Variants in NECAB2 observed in about 807,000 individuals in gnomAD.
The protein encoded by NECAB2 is N-terminal EF-hand calcium binding protein 2.
NECAB2 carries 68 observed loss-of-function variants against 51.9 expected under a neutral mutation model. The observed-to-expected ratio is 1.31, with a 90% CI of 1.08 to 1.60. The LOEUF (loss-of-function observed/expected upper bound fraction) is 1.60, where lower values mean the gene tolerates loss of function less well. Ranked by LOEUF, NECAB2 falls within the 40% of genes most tolerant of loss-of-function variation. The pLI is 0.00. For synonymous variants in NECAB2, 329 were observed against 203.5 expected (o/e 1.62, Z -5.25); for missense variants, 854 against 490.3 (o/e 1.74, Z -7.00).
chr16:83,995,171 T>C (rs956760038), intron 8 of NECAB2, among the ~76,000 whole-genome samples: 17 of 152,142 alleles, frequency 1.1e-4, no homozygotes, highest in African/African-American at 3.9e-4. Flanking sequence ...TGATAGAAAA[T>C]GGCACAGCCC....
intron 2 of NECAB2, among the ~76,000 whole-genome samples, chr16:83,972,978 G>T (rs1386441117): frequency 6.6e-6 from 1 of 152,226 alleles, no homozygotes; most frequent in Non-Finnish European, 1.5e-5. Context: ...CCCTCTCTGG[G>T]CCTTGGTTTT....
chr16:83,972,265 C>G (rs542342805), intron 2 of NECAB2, 90 bp downstream of exon 2: 20 of 1,584,168 alleles, frequency 1.3e-5, no homozygotes, highest in Non-Finnish European at 1.6e-5. Context: ...ACAAGCGCAA[C>G]CTTGAACCTA....
intron 5 of NECAB2, among the ~76,000 whole-genome samples, chr16:83,981,800 C>T (rs528239251): frequency 6.6e-6 from 1 of 152,130 alleles, no homozygotes; most frequent in African/African-American, 2.4e-5. Context: ...ATAGGGCACA[C>T]TGGTCCAGGC....
At chr16:83,987,860 G>A (rs1398069625) in intron 5 of NECAB2, among the ~76,000 whole-genome samples, 1 of 152,190 alleles carries the variant, frequency 6.6e-6, no homozygotes. Flanking sequence ...TTGACATAGA[G>A]CAAAATGGCT....
chr16:83,996,739 C>T (rs1020459718), intron 8 of NECAB2, among the ~76,000 whole-genome samples: 9 of 152,280 alleles, frequency 5.9e-5, no homozygotes, highest in East Asian at 1.9e-4. Context: ...CGTGGGCGAA[C>T]AGAGCAGATG....
upstream of NECAB2, chr16:83,966,372 G>A (rs911995796): frequency 2.9e-5 from 8 of 273,710 alleles, no homozygotes; most frequent in Non-Finnish European, 4.8e-5. Context: ...AGGGAGCTGC[G>A]TTCCCGGAAC....
rs1209678523 is a variant in NECAB2 at position 83,968,671 on chromosome 16, T to G, written c.23T>G (p.Leu8Arg). The G allele has an allele frequency of 1.0e-6, 1 of 983,058 alleles. No homozygotes were observed. The highest frequency in any genetic ancestry group is 1.8e-5 in the African/African-American group (1 of 55,666). The allele number at this position is 983,058 out of a possible 1,614,324, so 60.9% of individuals were successfully genotyped here. A position where few individuals can be genotyped will look rare whatever the true frequency, so the allele number is the denominator to read the frequency against. MCERAAR[L>R]CRAGAHRLLR... ...GCGATGTGCGAGCGGGCGGCGCGCC[T>G]GTGCAGGGCCGGCGCGCACAGGCTG... The change falls in exon 1 of 13, where the codon CTG becomes CGG. Residue 8 changes from leucine (L) to arginine (R), a missense_variant. Physicochemically the swap from Leu to Arg is moderately radical, Grantham distance 102 (BLOSUM62 -2). Transcript: ENST00000305202.
chr16:84,000,872 G>C, intron 11 of NECAB2, 71 bp downstream of exon 11: 3 of 1,500,798 alleles, frequency 2.0e-6, no homozygotes, highest in Non-Finnish European at 2.8e-6. Flanking sequence ...CCTGGAGCCA[G>C]GCATCCTTGG....
In NECAB2 at chr16:83,998,200, G is replaced by T. The variant is rs531745622; in HGVS notation, c.850-5G>T. On this transcript the variant is annotated splice_region_variant and splice_polypyrimidine_tract_variant and intron_variant, in intron 9 of 12. Transcript: ENST00000305202. The stretch of plus-strand genomic sequence containing the variant: ...CCCCACACTGACTCCTGCTGTGCCC[G>T]GCAGCACCTGCAGCTGGTCCGGCAG... 2.5e-6 allele frequency: 4 copies of T among 1,607,386 alleles called. No individual in the cohort carries two copies. In the Admixed American group the frequency reaches 6.7e-5, roughly 27 times the overall value.
chr16:84,001,855 C>G lies in NECAB2; in HGVS notation c.1071C>G (p.Phe357Leu), dbSNP rs767103864. 9.9e-6 allele frequency: 16 copies of G among 1,614,048 alleles called. No individual in the cohort carries two copies. The highest frequency in any genetic ancestry group is 2.2e-5 in the East Asian group (1 of 44,894). The part of the protein sequence containing the change: ...RHLQSPLCKA[F>L]RHVKVDTLSQ... ...TGCAGAGCCCCCTGTGTAAGGCGTT[C>G]CGGCACGTCAAGGTGGACACACTGA... The change falls in exon 12 of 13, where the codon TTC becomes TTG. Residue 357 changes from phenylalanine to leucine, a missense_variant. By Grantham distance (22) the Phe-to-Leu change is conservative (BLOSUM62 0). Coordinates refer to ENST00000305202, the MANE Select transcript of NECAB2 (RefSeq NM_019065.3).
intron 2 of NECAB2, among the ~76,000 whole-genome samples, chr16:83,973,166 C>T (rs1200842782): frequency 6.6e-6 from 1 of 152,228 alleles, no homozygotes; most frequent in Non-Finnish European, 1.5e-5. Flanking sequence ...GAAGAGCACG[C>T]AACAGAGACC....
rs532746187 is a variant in NECAB2 at position 83,998,758 on chromosome 16, A to C, written c.962+441A>C. Among the ~76,000 whole-genome samples the C allele has an allele frequency of 2.6e-5, 4 of 152,226 alleles. No individual in the cohort carries two copies. The East Asian group carries it at 7.7e-4, about 29-fold the overall frequency. ...GTTAACCACTGAGGAAGGAGAGGAG[A>C]GTCGGTAGCTGAAGGGAAATGCCCA... On this transcript the variant is annotated intron_variant, in intron 10 of 12. Coordinates refer to ENST00000305202, the MANE Select transcript of NECAB2 (RefSeq NM_019065.3).
chr16:83,996,949 A>G (rs899959683), intron 8 of NECAB2, among the ~76,000 whole-genome samples: 1 of 151,718 alleles, frequency 6.6e-6, no homozygotes, highest in Non-Finnish European at 1.5e-5. Flanking sequence ...GTTGCTCATC[A>G]TAGTGGCAAA....
upstream of NECAB2, among the ~76,000 whole-genome samples, chr16:83,967,713 T>TGGAC (rs1486664370): frequency 3.1e-4 from 37 of 119,844 alleles, no homozygotes; most frequent in African/African-American, 1.1e-3. Flanking sequence ...GACGGATGGA[T>TGGAC]GGATGGATGG....
chr16:83,992,031 G>A (rs561604668), intron 6 of NECAB2, among the ~76,000 whole-genome samples: 1 of 152,278 alleles, frequency 6.6e-6, no homozygotes, highest in African/African-American at 2.4e-5. Flanking sequence ...CATGCCGTAA[G>A]TGAAGTAACT....
intron 12 of NECAB2, 105 bp from the exon 13 acceptor site, chr16:84,002,213 A>G: frequency 7.3e-7 from 1 of 1,379,016 alleles, no homozygotes; most frequent in Non-Finnish European, 1.0e-6. Context: ...GTGTCACACA[A>G]GGACTCAAAG....
upstream of NECAB2, chr16:83,965,486 C>T (rs377653946): frequency 1.6e-4 from 254 of 1,610,284 alleles, no homozygotes; most frequent in Admixed American, 4.3e-4. Flanking sequence ...CCTCTACGCC[C>T]GCCACTACAA....
chr16:84,002,762 C>A lies in NECAB2; in HGVS notation c.*416C>A, dbSNP rs115333158. On this transcript the variant is annotated 3_prime_UTR_variant, in exon 13 of 13. Transcript: ENST00000305202. ...CCACTGTGCCCAGGCGCCAAATAAA[C>A]CCTGGTTGGGAAGAGCTGTGTGCTC... 1 of 211,790 alleles carries A rather than the reference C, an allele frequency of 4.7e-6. No individual in the cohort carries two copies. Among genetic ancestry groups the A allele is most frequent in the Non-Finnish European group, 9.7e-6 (1 of 103,472 alleles). 13.1% of individuals were successfully genotyped at this position (211,790 alleles called of 1,614,324 possible). A position where few individuals can be genotyped will look rare whatever the true frequency, so the allele number is the denominator to read the frequency against.
At chr16:84,000,459 G>A (rs893156344) in intron 10 of NECAB2, among the ~76,000 whole-genome samples, 9 of 152,130 alleles carry the variant, frequency 5.9e-5, no homozygotes, top group Non-Finnish European at 1.5e-5. Flanking sequence ...CTCCAGCCTG[G>A]GCAACAGAGT....
Sources: allele counts gnomAD v4.1 joint callset (sites outside exome capture counted in the v4.1 genomes callset), GRCh38; gene constraint gnomAD v4.1.1; transcripts MANE v1.5; gene names NCBI Gene and HGNC (gene_info 2026-07-23, HGNC 2026-07-21).